Variants in VSNL1 observed in about 807,000 individuals in gnomAD.
The protein encoded by VSNL1 is visinin like 1, also known as visinin-like protein 1.
A neutral mutation model predicts 20.4 loss-of-function variants in VSNL1; 6 were observed. That is an observed-to-expected ratio of 0.29 (90% CI 0.16 to 0.58). The LOEUF is 0.58. Among genes scored for constraint, VSNL1 ranks in the 20% least tolerant of loss-of-function variants. The pLI, the probability that VSNL1 is intolerant of heterozygous loss-of-function variation, is 0.90. For missense variants in VSNL1, 100 were observed against 234.5 expected, an observed-to-expected ratio of 0.43 and a Z score of 3.75; for synonymous variants, 93 against 86.4, an observed-to-expected ratio of 1.08 and a Z score of -0.42.
intron 2 of VSNL1, among the ~76,000 whole-genome samples, chr2:17,639,093 AGGGGCT>A (rs1665824148): frequency 6.6e-6 from 1 of 152,130 alleles, no homozygotes; most frequent in South Asian, 2.1e-4. Flanking sequence ...TCTTTTGCTA[AGGGGCT>A]GGTGGGGTGA....
rs1227337935 is a variant in VSNL1 at position 17,585,746 on chromosome 2, G to T, written c.-5-6324G>T. Among the ~76,000 whole-genome samples the T allele has an allele frequency of 2.6e-5, 4 of 152,086 alleles. 2 individuals carry two copies. The South Asian group carries it at 8.3e-4, about 32-fold the overall frequency. ...AAACCAAAGGGCTTAAAGCAGAGGA[G>T]CCTACAGGCAAATCTTTTCAAGCTT... On this transcript the variant is annotated intron_variant, in intron 1 of 3. Coordinates refer to ENST00000295156, the MANE Select transcript of VSNL1 (RefSeq NM_003385.5).
At chr2:17,560,495 G>T (rs1372885610) in intron 1 of VSNL1, among the ~76,000 whole-genome samples, 1 of 152,100 alleles carries the variant, frequency 6.6e-6, no homozygotes, top group Non-Finnish European at 1.5e-5. Flanking sequence ...TATCAACAAA[G>T]GTGGCATTTC....
intron 1 of VSNL1, among the ~76,000 whole-genome samples, chr2:17,548,791 A>C (rs1663457735): frequency 6.6e-6 from 1 of 152,210 alleles, no homozygotes; most frequent in African/African-American, 2.4e-5. Context: ...CACATATCCC[A>C]GGTAGCATGG....
At chr2:17,586,848 G>T (rs563572338) in intron 1 of VSNL1, among the ~76,000 whole-genome samples, 1 of 152,290 alleles carries the variant, frequency 6.6e-6, no homozygotes, top group South Asian at 2.1e-4. Context: ...CAGGAGTAAG[G>T]TTTAGATAGA....
chr2:17,599,486 A>G (rs1047912581), intron 2 of VSNL1, among the ~76,000 whole-genome samples: 3 of 152,246 alleles, frequency 2.0e-5, no homozygotes, highest in Non-Finnish European at 2.9e-5. Flanking sequence ...AAAATAATCA[A>G]AAACGTCTTG....
At chr2:17,600,348 T>G (rs544062132) in intron 2 of VSNL1, among the ~76,000 whole-genome samples, 17 of 152,316 alleles carry the variant, frequency 1.1e-4, no homozygotes, top group Admixed American at 8.5e-4. Flanking sequence ...TTCATAAGCA[T>G]TGAATCATCT....
chr2:17,579,594 T>C (rs373982999), intron 1 of VSNL1, among the ~76,000 whole-genome samples: 1 of 152,156 alleles, frequency 6.6e-6, no homozygotes, highest in African/African-American at 2.4e-5. Flanking sequence ...CTTGTATAGA[T>C]GAGAAAACTG....
At chr2:17,626,274 G>A (rs1306248636) in intron 2 of VSNL1, among the ~76,000 whole-genome samples, 1 of 152,188 alleles carries the variant, frequency 6.6e-6, no homozygotes, top group Non-Finnish European at 1.5e-5. Flanking sequence ...AGTTCTGGCC[G>A]TAGCTAGCGA....
chr2:17,560,929 T>A (rs113989863), intron 1 of VSNL1, among the ~76,000 whole-genome samples: 3 of 152,320 alleles, frequency 2.0e-5, no homozygotes, highest in African/African-American at 4.8e-5. Flanking sequence ...CAGGATAGAC[T>A]ATGTACTGAG....
intron 3 of VSNL1, among the ~76,000 whole-genome samples, chr2:17,651,541 C>CA (rs763886372): frequency 6.6e-6 from 1 of 152,220 alleles, no homozygotes; most frequent in Non-Finnish European, 1.5e-5. Context: ...GACTTAATGA[C>CA]AGAGTGGTCT....
chr2:17,621,298 T>TTTTC (rs1481402959), intron 2 of VSNL1, among the ~76,000 whole-genome samples: 1 of 148,650 alleles, frequency 6.7e-6, no homozygotes, highest in Admixed American at 6.7e-5. Flanking sequence ...CTCTCTCTCT[T>TTTTC]TTTCTTTCTT....
intron 1 of VSNL1, among the ~76,000 whole-genome samples, chr2:17,572,338 C>T (rs1360761837): frequency 2.6e-5 from 4 of 151,980 alleles, no homozygotes; most frequent in South Asian, 2.1e-4. Context: ...ATTTGTCTGG[C>T]GCATGCAGTA....
intron 1 of VSNL1, among the ~76,000 whole-genome samples, chr2:17,560,991 C>T (rs181621477): frequency 1.3e-5 from 2 of 152,286 alleles, no homozygotes; most frequent in East Asian, 3.9e-4. Flanking sequence ...TCTTAAGTTG[C>T]TTCTTTGGTC....
chr2:17,636,908 C>T (rs1371054398), intron 2 of VSNL1, among the ~76,000 whole-genome samples: 2 of 152,168 alleles, frequency 1.3e-5, no homozygotes, highest in Admixed American at 6.5e-5. Flanking sequence ...GACAGAATCA[C>T]AGAAAGCCAG....
intron 1 of VSNL1, among the ~76,000 whole-genome samples, chr2:17,563,381 G>A (rs1663862926): frequency 6.6e-6 from 1 of 152,156 alleles, no homozygotes; most frequent in African/African-American, 2.4e-5. Context: ...GTAGCTGGGG[G>A]TGTTTAGCTA....
At chr2:17,592,647 T>C (rs1442154671) in intron 2 of VSNL1, among the ~76,000 whole-genome samples, 4 of 1,830 alleles carry the variant, frequency 2.2e-3, no homozygotes, top group East Asian at 0.25. Flanking sequence ...TCTCTTTTTT[T>C]TTTTTTTTTT....
At chr2:17,574,689 A>T (rs558142242) in intron 1 of VSNL1, among the ~76,000 whole-genome samples, 2 of 152,262 alleles carry the variant, frequency 1.3e-5, no homozygotes, top group Admixed American at 1.3e-4. Flanking sequence ...TTCATTTTCC[A>T]TGCTGTAATC....
chr2:17,547,835 T>C (rs538131900), intron 1 of VSNL1, among the ~76,000 whole-genome samples: 29 of 152,248 alleles, frequency 1.9e-4, no homozygotes, highest in Non-Finnish European at 1.5e-5. Flanking sequence ...TATATTTTAT[T>C]ATCTATGAAT....
At chr2:17,556,677 G>A (rs1279581811) in intron 1 of VSNL1, among the ~76,000 whole-genome samples, 1 of 152,142 alleles carries the variant, frequency 6.6e-6, no homozygotes, top group Non-Finnish European at 1.5e-5. Context: ...GTTCTTTCCA[G>A]GACTTATTCA....
Sources: allele counts gnomAD v4.1 joint callset (sites outside exome capture counted in the v4.1 genomes callset), GRCh38; gene constraint gnomAD v4.1.1; transcripts MANE v1.5; gene names NCBI Gene and HGNC (gene_info 2026-07-23, HGNC 2026-07-21).